PSEN2: variants seen among roughly 807,000 people sequenced by gnomAD.
PSEN2 encodes presenilin-2.
Under a neutral mutation model 49.1 loss-of-function variants are expected in PSEN2, and 32 were observed. The observed-to-expected ratio is 0.65, with a 90% CI of 0.49 to 0.88. The LOEUF is 0.88. Among genes scored for constraint, PSEN2 ranks in the 40% least tolerant of loss-of-function variants. The probability of loss-of-function intolerance (pLI) is 0.00; values close to 1 mark genes in which losing one functional copy is unlikely to be tolerated. For synonymous variants in PSEN2, 255 were observed against 244.0 expected (o/e 1.05, Z -0.42); for missense variants, 522 against 586.9 (o/e 0.89, Z 1.14).
intron 3 of PSEN2, chr1:226,880,791 C>T (rs1660940155): frequency 3.1e-6 from 5 of 1,605,660 alleles, no homozygotes; most frequent in Non-Finnish European, 4.3e-6. Flanking sequence ...AGGGGGCAGG[C>T]TTCCCTCCTG....
rs564681436 is a variant in PSEN2, at chr1:226,889,822, A to C, written c.788-213A>C. Among the ~76,000 whole-genome samples the C allele has an allele frequency of 2.0e-5, 3 of 152,350 alleles. No homozygotes were observed. In the South Asian group the frequency reaches 6.2e-4, roughly 32 times the overall value. On this transcript the variant is annotated intron_variant, in intron 8 of 12. Coordinates refer to ENST00000366783, the MANE Select transcript of PSEN2 (RefSeq NM_000447.3). ...CCTGGCCACCGCGTCTCGGGTGCAC[A>C]GCTCCTCCATGCTTGCAGTTGCCTG...
At chr1:226,877,459 GCC>G (rs1260666686) in intron 3 of PSEN2, among the ~76,000 whole-genome samples, 1 of 152,324 alleles carries the variant, frequency 6.6e-6, no homozygotes, top group East Asian at 1.9e-4. Flanking sequence ...ATCTCCACCA[GCC>G]CCCAGTGGCC....
chr1:226,877,894 C>T (rs943493368), intron 3 of PSEN2, among the ~76,000 whole-genome samples: 4 of 152,076 alleles, frequency 2.6e-5, no homozygotes, highest in Non-Finnish European at 4.4e-5. Context: ...AGGCAGTCAG[C>T]GAGTGTGGAT....
At chr1:226,889,071 T>G (rs780375882) in intron 8 of PSEN2, 22 bp downstream of exon 8, 1 of 1,595,590 alleles carries the variant, frequency 6.3e-7, no homozygotes, top group Non-Finnish European at 8.6e-7. Flanking sequence ...GCAAGGCTGG[T>G]GGGGGCAGTG....
chr1:226,874,104 A>G (rs1660476001), intron 2 of PSEN2, among the ~76,000 whole-genome samples: 1 of 152,148 alleles, frequency 6.6e-6, no homozygotes, highest in African/African-American at 2.4e-5. Flanking sequence ...GAGGTGACAG[A>G]TGAGCTGGTG....
rs556110064 is a variant in PSEN2, at chr1:226,876,467, G to A, written c.-21+917G>A. On this transcript the variant is annotated intron_variant, in intron 3 of 12. Coordinates refer to ENST00000366783, the MANE Select transcript of PSEN2 (RefSeq NM_000447.3). ...AAAATCTGTCTAAATGTTGATGCTCGTTATTTTCCTTTAAAGAATTAATAG... is the reference window on the plus strand; with the variant it reads ...AAAATCTGTCTAAATGTTGATGCTCATTATTTTCCTTTAAAGAATTAATAG... Among the ~76,000 whole-genome samples, 24 of 151,928 alleles carry A rather than the reference G, an allele frequency of 1.6e-4. No homozygotes were observed. In the South Asian group the frequency reaches 4.2e-3, roughly 27 times the overall value.
chr1:226,891,914 C>T, intron 11 of PSEN2, 70 bp downstream of exon 11: 1 of 1,422,784 alleles, frequency 7.0e-7, no homozygotes, highest in Admixed American at 1.7e-5. Flanking sequence ...TGGAGGCTCC[C>T]TGCAGCCTGG....
downstream of PSEN2, among the ~76,000 whole-genome samples, chr1:226,896,553 T>C (rs2102700734): frequency 6.6e-6 from 1 of 152,252 alleles, no homozygotes; most frequent in East Asian, 1.9e-4. Flanking sequence ...AATCATGGGT[T>C]GCAAAGAGAA....
At chr1:226,882,645 G>T (rs1256059211) in intron 4 of PSEN2, among the ~76,000 whole-genome samples, 5 of 152,116 alleles carry the variant, frequency 3.3e-5, no homozygotes, top group Non-Finnish European at 1.5e-5. Context: ...GCCCATTATA[G>T]AATTAAAAAA....
chr1:226,889,500 C>T (rs1332154418), intron 8 of PSEN2, among the ~76,000 whole-genome samples: 6 of 152,190 alleles, frequency 3.9e-5, no homozygotes, highest in African/African-American at 1.4e-4. Context: ...TGATCTCGAA[C>T]TCCTGACCTT....
chr1:226,881,494 T>C (rs1660985718), intron 3 of PSEN2, among the ~76,000 whole-genome samples: 1 of 152,244 alleles, frequency 6.6e-6, no homozygotes, highest in African/African-American at 2.4e-5. Context: ...ATGATTTTTG[T>C]TTTGTTTTAA....
downstream of PSEN2, chr1:226,899,115 ATTTTTAAATGTTAATG>A (rs1248292945): frequency 7.2e-5 from 11 of 152,230 alleles, no homozygotes; most frequent in African/African-American, 2.6e-4. Flanking sequence ...GACCCAAGTA[ATTTTTAAATGTTAATG>A]TTATTAAATC....
intron 3 of PSEN2, among the ~76,000 whole-genome samples, chr1:226,876,549 C>T (rs1357329640): frequency 1.3e-5 from 2 of 151,944 alleles, no homozygotes; most frequent in African/African-American, 4.8e-5. Flanking sequence ...TAGAGAAATG[C>T]AGAAAAATAT....
intron 10 of PSEN2, among the ~76,000 whole-genome samples, 172 bp from the exon 11 acceptor site, chr1:226,891,571 G>C (rs1661750010): frequency 6.6e-6 from 1 of 152,188 alleles, no homozygotes; most frequent in South Asian, 2.1e-4. Context: ...GCATCGTTCT[G>C]CTGGGCGTGG....
chr1:226,879,979 A>G (rs1660873979), intron 3 of PSEN2, among the ~76,000 whole-genome samples: 1 of 152,252 alleles, frequency 6.6e-6, no homozygotes, highest in African/African-American at 2.4e-5. Flanking sequence ...AATCCAGGCC[A>G]TAGCCGGGGT....
At chr1:226,879,840 C>A (rs1157585264) in intron 3 of PSEN2, among the ~76,000 whole-genome samples, 1 of 152,238 alleles carries the variant, frequency 6.6e-6, no homozygotes, top group Non-Finnish European at 1.5e-5. Flanking sequence ...CTTGTCTCAT[C>A]TATCCTAAAC....
At chr1:226,888,682 T>C (rs1661532895) in intron 7 of PSEN2, 147 bp from the exon 8 acceptor site, 1 of 766,760 alleles carries the variant, frequency 1.3e-6, no homozygotes. Context: ...TTTTAGAAAA[T>C]GCTGCAAATG....
intron 3 of PSEN2, among the ~76,000 whole-genome samples, chr1:226,878,845 T>C (rs1660798313): frequency 6.6e-6 from 1 of 152,182 alleles, no homozygotes; most frequent in Admixed American, 6.5e-5. Flanking sequence ...GCAGATGGAA[T>C]ATTATGATTT....
intron 5 of PSEN2, 33 bp downstream of exon 5, chr1:226,883,952 GTGA>G: frequency 9.8e-6 from 14 of 1,425,336 alleles, no homozygotes; most frequent in East Asian, 4.8e-5. Flanking sequence ...GCAGGGTGGG[GTGA>G]GGGCTGAGTT....
Sources: gnomAD v4.1 joint callset for allele counts (sites outside exome capture counted in the v4.1 genomes callset) on GRCh38, gnomAD v4.1.1 for gene constraint, MANE v1.5 for transcripts, NCBI Gene and HGNC (gene_info 2026-07-23, HGNC 2026-07-21) for gene names.